The following TENM4 variants were observed in gnomAD, a reference collection of about 807,000 sequenced individuals.
TENM4 encodes the protein teneurin-4.
TENM4 carries 82 observed loss-of-function variants against 243.3 expected under a neutral mutation model. The observed-to-expected ratio is 0.34, with a 90% CI of 0.28 to 0.40. The LOEUF is 0.40. TENM4 is among the 10% of genes least tolerant of loss of function. The probability of loss-of-function intolerance (pLI) is 1.00; values close to 1 mark genes in which losing one functional copy is unlikely to be tolerated. For synonymous variants in TENM4, 1,412 were observed against 1,456.3 expected (o/e 0.97, Z 0.69); for missense variants, 3,138 against 3,673.3 (o/e 0.85, Z 3.77).
At chr11:79,131,062 C>T (rs1023118562) in intron 4 of TENM4, among the ~76,000 whole-genome samples, 11 of 152,056 alleles carry the variant, frequency 7.2e-5, no homozygotes, top group Non-Finnish European at 1.2e-4. Context: ...GAATAATCAG[C>T]GTTCCTGAGA....
chr11:79,346,939 G>A (rs1857335706), intron 1 of TENM4, among the ~76,000 whole-genome samples: 1 of 152,100 alleles, frequency 6.6e-6, no homozygotes, highest in African/African-American at 2.4e-5. Flanking sequence ...ATGGTTCGGG[G>A]TTTCTCTCCT....
Position 78,658,345 on chromosome 11 carries a change from A to T in TENM4, c.8023T>A (p.Leu2675Met). The T allele has an allele frequency of 6.2e-7, 1 of 1,613,820 alleles. No individual in the cohort carries two copies. The highest frequency in any genetic ancestry group is 8.5e-7 in the Non-Finnish European group (1 of 1,179,784). Reference protein sequence around the residue: ...DIQLQYGALCLNTRYGTTLDE... With the variant: ...DIQLQYGALCMNTRYGTTLDE... ...AACGTTGTCCCGTAGCGTGTGTTCA[A>T]GCACAGTGCCCCGTACTGGAGCTGG... is the stretch of plus-strand genomic sequence containing the variant. The change falls in exon 34 of 34, where the codon TTG (leucine) becomes ATG (methionine). Residue 2675 changes from leucine to methionine, a missense_variant. Physicochemically the swap from Leu to Met is conservative, Grantham distance 15. Coordinates refer to ENST00000278550, the MANE Select transcript of TENM4 (RefSeq NM_001098816.3).
At chr11:79,116,812 T>C (rs1861631770) in intron 4 of TENM4, among the ~76,000 whole-genome samples, 1 of 152,218 alleles carries the variant, frequency 6.6e-6, no homozygotes, top group South Asian at 2.1e-4. Context: ...ACATGAGTCA[T>C]CTGCTCAGTC....
Position 78,657,586 on chromosome 11 carries a change from C to G in TENM4, c.*472G>C, listed in dbSNP as rs879226853. ...TCCTACAGACCCTCCTCCCAGGCCC[C>G]CTTGGAAGGGGTGTTGTACTGGCCC... On this transcript the variant is annotated 3_prime_UTR_variant, in exon 34 of 34. Transcript: ENST00000278550. 1.5e-5 allele frequency: 4 copies of G among 272,488 alleles called. No individual in the cohort carries two copies. In the South Asian group the frequency reaches 2.4e-4, roughly 16 times the overall value. 16.9% of individuals were successfully genotyped at this position (272,488 alleles called of 1,614,324 possible).
chr11:79,190,561 C>A (rs1453033665), intron 3 of TENM4, among the ~76,000 whole-genome samples: 1 of 152,084 alleles, frequency 6.6e-6, no homozygotes, highest in Non-Finnish European at 1.5e-5. Context: ...ACAACACTAT[C>A]CCCTATTCCC....
chr11:78,887,850 GA>G (rs1376225949), intron 9 of TENM4, among the ~76,000 whole-genome samples: 1 of 152,208 alleles, frequency 6.6e-6, no homozygotes, highest in Non-Finnish European at 1.5e-5. Flanking sequence ...TAGGCTATAT[GA>G]TATAAACCTT....
At chr11:79,248,286 G>T (rs191468368) in intron 2 of TENM4, among the ~76,000 whole-genome samples, 165 of 152,302 alleles carry the variant, frequency 1.1e-3, no homozygotes, top group Non-Finnish European at 7.1e-4. Flanking sequence ...CATGATTCAG[G>T]AGTTAGAAAA....
chr11:78,988,029 C>CGCCCTT (rs1857957727), intron 6 of TENM4, among the ~76,000 whole-genome samples: 1 of 152,172 alleles, frequency 6.6e-6, no homozygotes, highest in South Asian at 2.1e-4. Flanking sequence ...CTGATATTCA[C>CGCCCTT]GCCCTTGTAT....
intron 6 of TENM4, among the ~76,000 whole-genome samples, chr11:79,007,052 G>A (rs1858503273): frequency 6.6e-6 from 1 of 152,170 alleles, no homozygotes; most frequent in African/African-American, 2.4e-5. Flanking sequence ...CTTTGGACTT[G>A]GACGGCAACG....
At chr11:78,791,969 A>C (rs1233309039) in intron 15 of TENM4, among the ~76,000 whole-genome samples, 1 of 152,182 alleles carries the variant, frequency 6.6e-6, no homozygotes, top group Non-Finnish European at 1.5e-5. Flanking sequence ...AGGAGACTTG[A>C]GTTCAGATTC....
At chr11:78,941,197 T>C (rs1394763353) in intron 6 of TENM4, among the ~76,000 whole-genome samples, 1 of 152,182 alleles carries the variant, frequency 6.6e-6, no homozygotes, top group Non-Finnish European at 1.5e-5. Flanking sequence ...AATTGCATGA[T>C]CTCTCTGAGC....
intron 1 of TENM4, among the ~76,000 whole-genome samples, chr11:79,428,011 C>G (rs1859091690): frequency 6.6e-6 from 1 of 152,156 alleles, no homozygotes; most frequent in South Asian, 2.1e-4. Context: ...GCATCTGATG[C>G]TCCTGGACCT....
chr11:78,781,907 C>G (rs1306045397), intron 16 of TENM4, among the ~76,000 whole-genome samples: 1 of 152,206 alleles, frequency 6.6e-6, no homozygotes, highest in African/African-American at 2.4e-5. Context: ...TCCCACCCCA[C>G]CACGTGTGGG....
chr11:78,955,094 C>G (rs540409067), intron 6 of TENM4, among the ~76,000 whole-genome samples: 10 of 152,324 alleles, frequency 6.6e-5, no homozygotes, highest in African/African-American at 2.4e-4. Context: ...TGGCAGTGAG[C>G]CTCACATGTT....
intron 1 of TENM4, among the ~76,000 whole-genome samples, chr11:79,320,936 T>A (rs980901934): frequency 2.0e-5 from 3 of 152,214 alleles, no homozygotes; most frequent in African/African-American, 4.8e-5. Context: ...TAAATGCTTC[T>A]CTTAGCATCC....
intron 2 of TENM4, among the ~76,000 whole-genome samples, chr11:79,233,648 G>C (rs538172752): frequency 6.6e-6 from 1 of 152,240 alleles, no homozygotes; most frequent in South Asian, 2.1e-4. Context: ...GGGGCAAGGC[G>C]GGGGGCTGTG....
chr11:79,291,788 G>A (rs1163262388), intron 2 of TENM4, among the ~76,000 whole-genome samples: 1 of 152,192 alleles, frequency 6.6e-6, no homozygotes, highest in African/African-American at 2.4e-5. Context: ...AGGTCATCAT[G>A]CTGTTAATCA....
At chr11:79,059,753 C>T (rs562471942) in intron 6 of TENM4, among the ~76,000 whole-genome samples, 2 of 152,294 alleles carry the variant, frequency 1.3e-5, no homozygotes, top group African/African-American at 4.8e-5. Flanking sequence ...TCCCCAACAG[C>T]CTCTTCTTAG....
At chr11:79,365,697 C>T (rs1043213295) in intron 1 of TENM4, among the ~76,000 whole-genome samples, 1 of 152,162 alleles carries the variant, frequency 6.6e-6, no homozygotes, top group African/African-American at 2.4e-5. Flanking sequence ...TAGTGTTCTA[C>T]CATGACAGCA....
Sources: allele counts gnomAD v4.1 joint callset (sites outside exome capture counted in the v4.1 genomes callset), GRCh38; gene constraint gnomAD v4.1.1; transcripts MANE v1.5; gene names NCBI Gene and HGNC (gene_info 2026-07-23, HGNC 2026-07-21).